FGF12: variants seen among roughly 807,000 people sequenced by gnomAD.
FGF12 encodes fibroblast growth factor 12, also known as fibroblast growth factor 12B.
In FGF12, 14 loss-of-function variants were observed where a neutral mutation model predicts 23.6. The ratio of observed to expected loss-of-function variants is 0.59; its 90% CI spans 0.39 to 0.93. FGF12 has a LOEUF of 0.93. Among genes scored for constraint, FGF12 ranks in the 40% least tolerant of loss-of-function variants. FGF12 has a pLI of 0.00. For synonymous variants in FGF12, 62 were observed against 77.3 expected (o/e 0.80, Z 1.04); for missense variants, 175 against 217.8 (o/e 0.80, Z 1.24).
intron 4 of FGF12, among the ~76,000 whole-genome samples, chr3:192,214,103 G>T (rs1718072523): frequency 6.6e-6 from 1 of 152,176 alleles, no homozygotes; most frequent in Non-Finnish European, 1.5e-5. Flanking sequence ...TCTAGAAGAT[G>T]CTTTTCCTTC....
rs1322366542 is a variant in FGF12 at position 192,542,041 on chromosome 3, T to G, written c.14-181503A>C. 2.0e-5 allele frequency among the ~76,000 whole-genome samples: 3 copies of G among 151,806 alleles called. No individual in the cohort carries two copies. The East Asian group carries it at 5.8e-4, about 29-fold the overall frequency. On this transcript the variant is annotated intron_variant, in intron 2 of 5. Transcript: ENST00000445105. ...ACCATGCCTGGCATTTTTTTTTTTT[T>G]TTTGTATTTTTAGTGGAGACGGGGT...
At chr3:192,598,719 A>C (rs1283425471) in intron 2 of FGF12, among the ~76,000 whole-genome samples, 1 of 152,194 alleles carries the variant, frequency 6.6e-6, no homozygotes, top group Non-Finnish European at 1.5e-5. Context: ...TAGATGTGTA[A>C]TTATTAAATG....
chr3:192,473,349 T>A (rs982740991), intron 2 of FGF12, among the ~76,000 whole-genome samples: 5 of 152,210 alleles, frequency 3.3e-5, no homozygotes, highest in African/African-American at 1.2e-4. Flanking sequence ...CTAGACCAGA[T>A]GACATTACTT....
At chr3:192,188,384 G>A (rs772362341) in intron 4 of FGF12, among the ~76,000 whole-genome samples, 1 of 152,174 alleles carries the variant, frequency 6.6e-6, no homozygotes, top group Non-Finnish European at 1.5e-5. Flanking sequence ...TTCCTGAGGT[G>A]GTACTTAACC....
At chr3:192,416,553 G>A (rs1721358331) in intron 2 of FGF12, among the ~76,000 whole-genome samples, 2 of 152,130 alleles carry the variant, frequency 1.3e-5, no homozygotes, top group Non-Finnish European at 2.9e-5. Context: ...TGTTTGTATG[G>A]AGGAAATACA....
chr3:192,491,676 C>T (rs1011333405), intron 2 of FGF12, among the ~76,000 whole-genome samples: 2 of 152,098 alleles, frequency 1.3e-5, no homozygotes, highest in African/African-American at 2.4e-5. Context: ...GTTACATAAA[C>T]TCTGAAACTG....
intron 2 of FGF12, among the ~76,000 whole-genome samples, chr3:192,618,827 G>A (rs559454253): frequency 4.6e-5 from 7 of 151,788 alleles, no homozygotes; most frequent in Admixed American, 2.0e-4. Context: ...CCAAGAATCC[G>A]CCTTAAATTA....
chr3:192,601,045 T>C (rs1714095013), intron 2 of FGF12, among the ~76,000 whole-genome samples: 1 of 152,050 alleles, frequency 6.6e-6, no homozygotes, highest in Admixed American at 6.6e-5. Flanking sequence ...ATGGAGTCAA[T>C]CTAGGTGTCC....
rs1435881058 is a variant in FGF12, at chr3:192,430,718, G to A, written c.14-70180C>T. ...TATTATGCCTGAAGTAATGAGTTTGGCCCTAGGGTGAAAGGGGGAATGAGG... is the reference window on the plus strand; with the variant it reads ...TATTATGCCTGAAGTAATGAGTTTGACCCTAGGGTGAAAGGGGGAATGAGG... On this transcript the variant is annotated intron_variant, in intron 2 of 5. Transcript: ENST00000445105. Among the ~76,000 whole-genome samples the A allele has an allele frequency of 2.6e-5, 4 of 152,066 alleles. No homozygotes were observed. In the South Asian group the frequency reaches 8.3e-4, roughly 32 times the overall value.
At chr3:192,158,675 TC>T (rs1714691413) in intron 5 of FGF12, among the ~76,000 whole-genome samples, 1 of 63,572 alleles carries the variant, frequency 1.6e-5, no homozygotes, top group African/African-American at 8.8e-5. Flanking sequence ...CCTCCCTCCC[TC>T]TCTCTCTCTC....
At chr3:192,195,771 T>TAC (rs144857800) in intron 4 of FGF12, among the ~76,000 whole-genome samples, 4 of 151,930 alleles carry the variant, frequency 2.6e-5, no homozygotes, top group African/African-American at 4.8e-5. Context: ...TATGTGTGTA[T>TAC]ACACACACAC....
chr3:192,508,134 G>A (rs1037922278), intron 2 of FGF12, among the ~76,000 whole-genome samples: 1 of 152,216 alleles, frequency 6.6e-6, no homozygotes, highest in African/African-American at 2.4e-5. Flanking sequence ...TGGGCAATCA[G>A]TGACACCAAC....
Position 192,409,378 on chromosome 3 carries a change from G to C in FGF12, c.14-48840C>G, listed in dbSNP as rs1163772749. Among the ~76,000 whole-genome samples, 1 of 152,156 alleles carries C rather than the reference G, an allele frequency of 6.6e-6. No homozygotes were observed. The highest frequency in any genetic ancestry group is 1.5e-5 in the Non-Finnish European group (1 of 67,994). On this transcript the variant is annotated intron_variant, in intron 2 of 5. Transcript: ENST00000445105. This position sits in a 1 kb window ranked among gnomAD's most constrained non-coding sequence, Gnocchi z 4.8. ...CACCCGGGGCCGCCGCACCGAGCTGGTCTCCGCACAGGCTCAGAGGGAGCG... is the reference window on the plus strand; with the variant it reads ...CACCCGGGGCCGCCGCACCGAGCTGCTCTCCGCACAGGCTCAGAGGGAGCG...
intron 4 of FGF12, among the ~76,000 whole-genome samples, chr3:192,229,163 ATT>A (rs752221605): frequency 0.017 from 2,559 of 148,444 alleles, 67 homozygotes; most frequent in African/African-American, 0.061. Context: ...AGTGAATAAA[ATT>A]TTAAAAAAAA....
chr3:192,228,683 A>G (rs1396492922), intron 4 of FGF12, among the ~76,000 whole-genome samples: 1 of 152,084 alleles, frequency 6.6e-6, no homozygotes, highest in African/African-American at 2.4e-5. Context: ...GGAAAGAAAC[A>G]ATACTCAGAA....
chr3:192,223,405 T>C (rs1718570187), intron 4 of FGF12, among the ~76,000 whole-genome samples: 1 of 152,108 alleles, frequency 6.6e-6, no homozygotes, highest in African/African-American at 2.4e-5. Context: ...GTTCCTGAAA[T>C]AAAATAAAAG....
chr3:192,563,302 A>G (rs1449762158), intron 2 of FGF12, among the ~76,000 whole-genome samples: 1 of 152,230 alleles, frequency 6.6e-6, no homozygotes, highest in Non-Finnish European at 1.5e-5. Context: ...AATCTTTAAT[A>G]TCTCTCATAT....
At chr3:192,221,615 C>T (rs144919864) in intron 4 of FGF12, among the ~76,000 whole-genome samples, 10 of 152,048 alleles carry the variant, frequency 6.6e-5, no homozygotes, top group East Asian at 1.9e-4. Flanking sequence ...ACATTTTGGA[C>T]GAAGTGACTT....
chr3:192,449,944 A>G (rs373160798), intron 2 of FGF12, among the ~76,000 whole-genome samples: 53 of 152,244 alleles, frequency 3.5e-4, no homozygotes, highest in African/African-American at 1.2e-3. Flanking sequence ...AATTCTTTGT[A>G]CTTCTTACTA....
Sources: gnomAD v4.1 joint callset for allele counts (sites outside exome capture counted in the v4.1 genomes callset) on GRCh38, gnomAD v4.1.1 for gene constraint, Gnocchi (gnomAD v3.1) non-coding constraint, MANE v1.5 for transcripts, NCBI Gene and HGNC (gene_info 2026-07-23, HGNC 2026-07-21) for gene names.